The following EVL variants were observed in gnomAD, a reference collection of about 807,000 sequenced individuals.
The protein encoded by EVL is ena/VASP-like protein.
EVL carries 21 observed loss-of-function variants against 59.6 expected under a neutral mutation model. The observed-to-expected ratio is 0.35, with a 90% CI of 0.25 to 0.51. EVL has a LOEUF of 0.51. Ranked by LOEUF, EVL falls within the 20% of genes least tolerant of loss-of-function variation. EVL has a pLI of 0.97. For missense variants in EVL, 462 were observed against 546.6 expected, an observed-to-expected ratio of 0.85 and a Z score of 1.54; for synonymous variants, 198 against 203.5, an observed-to-expected ratio of 0.97 and a Z score of 0.23.
chr14:100,101,154 G>A (rs1349824274), intron 3 of EVL, among the ~76,000 whole-genome samples: 1 of 152,134 alleles, frequency 6.6e-6, no homozygotes, highest in Non-Finnish European at 1.5e-5. Flanking sequence ...GAGGTCAAGA[G>A]TTCGAGACCA....
At chr14:100,014,249 A>G (rs746614925) in intron 1 of EVL, among the ~76,000 whole-genome samples, 2 of 151,916 alleles carry the variant, frequency 1.3e-5, no homozygotes, top group Non-Finnish European at 2.9e-5. Flanking sequence ...TCTCTATTCT[A>G]CTCACAAGTT....
exon 1 of EVL, chr14:99,971,909 C>T (rs2060735444): frequency 6.8e-6 from 1 of 147,200 alleles, no homozygotes; most frequent in African/African-American, 2.5e-5. Context: ...GATGAGCCCC[C>T]GCTGCCCCCC....
intron 1 of EVL, among the ~76,000 whole-genome samples, chr14:100,084,086 C>T (rs1048668851): frequency 7.0e-6 from 1 of 142,854 alleles, no homozygotes; most frequent in African/African-American, 2.6e-5. Flanking sequence ...CAGTTTCACT[C>T]TGTTGTCCAG....
chr14:100,003,971 G>A (rs1172984067), intron 1 of EVL, among the ~76,000 whole-genome samples: 3 of 152,092 alleles, frequency 2.0e-5, no homozygotes, highest in Admixed American at 6.6e-5. Context: ...TTGGGAGGCC[G>A]AGGCAGTGGA....
chr14:100,072,152 C>T (rs754535924), intron 1 of EVL, among the ~76,000 whole-genome samples: 7 of 152,214 alleles, frequency 4.6e-5, no homozygotes, highest in South Asian at 2.1e-4. Context: ...AGTAAGCAGA[C>T]GGCTCGATCA....
chr14:100,113,048 G>A (rs1231895105), intron 3 of EVL, among the ~76,000 whole-genome samples: 2 of 152,250 alleles, frequency 1.3e-5, no homozygotes, highest in East Asian at 3.8e-4. Context: ...TTGCAGGGGA[G>A]GCTGTGGTGA....
intron 1 of EVL, among the ~76,000 whole-genome samples, chr14:99,986,811 G>A (rs1431791857): frequency 6.6e-6 from 1 of 152,132 alleles, no homozygotes; most frequent in Non-Finnish European, 1.5e-5. Flanking sequence ...TTCAATGGGG[G>A]AAAATAGCCT....
At position 100,128,535 on chromosome 14, in the gene EVL, A is replaced by T; in HGVS notation, c.504A>T (p.Pro168=). 1.2e-6 allele frequency: 2 copies of T among 1,611,504 alleles called. No individual in the cohort carries two copies. The highest frequency in any genetic ancestry group is 8.5e-7 in the Non-Finnish European group (1 of 1,179,778). Residue 168 remains proline (P), a synonymous_variant, in exon 6 of 14, where the codon CCA becomes CCT. Transcript: ENST00000392920. ...RTSATGPILP[P]GHPSSAASAP... ...GTGTTTCAGGGCCCATCCTCCCACC[A>T]GGACATCCTTCATCTGCAGCCAGCG...
At chr14:100,112,661 T>A (rs763326865) in intron 3 of EVL, among the ~76,000 whole-genome samples, 1 of 152,204 alleles carries the variant, frequency 6.6e-6, no homozygotes, top group Non-Finnish European at 1.5e-5. Context: ...CCAGAATGTT[T>A]TCTCCCCAAA....
chr14:100,002,778 A>G (rs1355395749), intron 1 of EVL, among the ~76,000 whole-genome samples: 1 of 152,248 alleles, frequency 6.6e-6, no homozygotes, highest in Non-Finnish European at 1.5e-5. Context: ...TAAGTCATTC[A>G]TTTAACTAAA....
chr14:100,047,265 C>T (rs969108121), intron 1 of EVL, among the ~76,000 whole-genome samples: 15 of 151,708 alleles, frequency 9.9e-5, no homozygotes, highest in Non-Finnish European at 1.9e-4. Context: ...CTAAAGTAGA[C>T]GGGCGCTATA....
chr14:100,089,793 T>C (rs959064120), intron 2 of EVL, among the ~76,000 whole-genome samples: 3 of 152,020 alleles, frequency 2.0e-5, no homozygotes, highest in Non-Finnish European at 2.9e-5. Flanking sequence ...ATTAACTGGG[T>C]GTGGTGGCAT....
intron 1 of EVL, among the ~76,000 whole-genome samples, chr14:100,071,617 T>C (rs530045524): frequency 6.6e-6 from 1 of 152,320 alleles, no homozygotes; most frequent in African/African-American, 2.4e-5. Flanking sequence ...TCCTCAATAA[T>C]TGAGTGTAAA....
intron 13 of EVL, among the ~76,000 whole-genome samples, chr14:100,143,349 G>A (rs1178702645): frequency 1.3e-5 from 2 of 152,094 alleles, no homozygotes; most frequent in Admixed American, 6.5e-5. Flanking sequence ...CACCTGTCCA[G>A]AGCCTACAGA....
rs376187434 is a variant in EVL, at chr14:100,121,547, T to C, written c.359-1992T>C. ...ACGTAATCAGTGCAATCAAGTGTTA[T>C]CCTTTCCTGCTCTGTCGGGTCTAAA... On this transcript the variant is annotated intron_variant, in intron 3 of 13. Transcript: ENST00000392920. Among the ~76,000 whole-genome samples the C allele has an allele frequency of 4.6e-5, 7 of 152,368 alleles. No homozygotes were observed. The East Asian group carries it at 9.6e-4, about 21-fold the overall frequency.
intron 7 of EVL, among the ~76,000 whole-genome samples, chr14:100,132,168 C>T (rs1042056454): frequency 6.6e-6 from 1 of 151,364 alleles, no homozygotes. Flanking sequence ...GGTGCACGAA[C>T]CGACTCAAGG....
At chr14:100,092,839 A>G (rs1475935745) in intron 2 of EVL, among the ~76,000 whole-genome samples, 1 of 152,252 alleles carries the variant, frequency 6.6e-6, no homozygotes, top group East Asian at 1.9e-4. Context: ...GAAACAAAAG[A>G]GTACATACCA....
chr14:100,092,748 A>C (rs950547646), intron 2 of EVL, among the ~76,000 whole-genome samples: 2 of 152,198 alleles, frequency 1.3e-5, no homozygotes, highest in African/African-American at 4.8e-5. Context: ...AAAAACAAAC[A>C]AACAAACAAA....
At chr14:100,067,442 T>G (rs143865543) in intron 1 of EVL, among the ~76,000 whole-genome samples, 1 of 152,230 alleles carries the variant, frequency 6.6e-6, no homozygotes, top group Non-Finnish European at 1.5e-5. Flanking sequence ...TCACTGACGT[T>G]ATTTAGTTAT....
Sources: gnomAD v4.1 joint callset for allele counts (sites outside exome capture counted in the v4.1 genomes callset) on GRCh38, gnomAD v4.1.1 for gene constraint, MANE v1.5 for transcripts, NCBI Gene and HGNC (gene_info 2026-07-23, HGNC 2026-07-21) for gene names.